RNGTT: variants seen among roughly 807,000 people sequenced by gnomAD.
RNGTT encodes RNA guanylyltransferase and 5'-phosphatase, also known as mRNA-capping enzyme.
A neutral mutation model predicts 79.3 loss-of-function variants in RNGTT; 33 were observed. The ratio of observed to expected loss-of-function variants is 0.42; its 90% CI spans 0.32 to 0.56. The LOEUF is 0.56. Among genes scored for constraint, RNGTT ranks in the 20% least tolerant of loss-of-function variants. RNGTT has a pLI of 0.17. For missense variants in RNGTT, 497 were observed against 739.1 expected (o/e 0.67, Z 3.80); for synonymous variants, 222 against 235.9 (o/e 0.94, Z 0.54).
chr6:88,813,286 C>T (rs1047703407), intron 11 of RNGTT, among the ~76,000 whole-genome samples: 3 of 152,144 alleles, frequency 2.0e-5, no homozygotes, highest in Non-Finnish European at 4.4e-5. Context: ...GAAACTTGCA[C>T]ATGAGATCCA....
At chr6:88,939,138 C>T (rs2127957796) in intron 2 of RNGTT, among the ~76,000 whole-genome samples, 1 of 152,264 alleles carries the variant, frequency 6.6e-6, no homozygotes, top group South Asian at 2.1e-4. Context: ...TCTTGGATGT[C>T]TAAACCTCTT....
At chr6:88,638,631 T>C (rs1773190764) in intron 14 of RNGTT, among the ~76,000 whole-genome samples, 1 of 152,176 alleles carries the variant, frequency 6.6e-6, no homozygotes, top group South Asian at 2.1e-4. Context: ...TAATCATGAA[T>C]GTAACACATT....
In RNGTT at chr6:88,747,165, A is replaced by G. The variant is rs551213737; in HGVS notation, c.1439+22609T>C. On this transcript the variant is annotated intron_variant, in intron 13 of 15. Transcript: ENST00000369485. ...GGCAAAATAGTAATCCAAAAGCAATATTGTGTTGGGGCAGGGGGTGGGCAT... is the reference window on the plus strand; with the variant it reads ...GGCAAAATAGTAATCCAAAAGCAATGTTGTGTTGGGGCAGGGGGTGGGCAT... Among the ~76,000 whole-genome samples the G allele has an allele frequency of 5.3e-5, 8 of 152,296 alleles. 1 individual carries two copies. In the South Asian group the frequency reaches 1.7e-3, roughly 32 times the overall value.
At chr6:88,844,590 T>G in intron 10 of RNGTT, 69 bp from the exon 11 acceptor site, 1 of 1,419,292 alleles carries the variant, frequency 7.0e-7, no homozygotes, top group Non-Finnish European at 9.7e-7. Flanking sequence ...TTATCAAGGC[T>G]GCCACAATGT....
intron 13 of RNGTT, among the ~76,000 whole-genome samples, chr6:88,746,311 C>A (rs1777656452): frequency 1.3e-5 from 2 of 152,158 alleles, no homozygotes; most frequent in African/African-American, 2.4e-5. Context: ...ACAAGTCAGT[C>A]CCAACACCCA....
intron 8 of RNGTT, among the ~76,000 whole-genome samples, chr6:88,875,063 C>T (rs991103290): frequency 6.6e-6 from 1 of 151,694 alleles, no homozygotes; most frequent in Non-Finnish European, 1.5e-5. Context: ...TCTTTGAGAC[C>T]TTCTAAAGCT....
intron 13 of RNGTT, among the ~76,000 whole-genome samples, chr6:88,754,846 T>G (rs1053171877): frequency 2.6e-5 from 4 of 152,248 alleles, no homozygotes; most frequent in Non-Finnish European, 4.4e-5. Context: ...GCCCATTCCT[T>G]TGTTTCCCAT....
chr6:88,824,496 T>C (rs1342014487), intron 11 of RNGTT, among the ~76,000 whole-genome samples: 2 of 152,330 alleles, frequency 1.3e-5, no homozygotes, highest in Middle Eastern at 3.4e-3. Context: ...TGCTATTCAA[T>C]GGCCACATGT....
intron 6 of RNGTT, among the ~76,000 whole-genome samples, chr6:88,899,661 G>A (rs145965832): frequency 1.3e-5 from 2 of 152,204 alleles, no homozygotes; most frequent in African/African-American, 4.8e-5. Context: ...AATTAGAAAG[G>A]CAATAAGGAC....
intron 2 of RNGTT, among the ~76,000 whole-genome samples, chr6:88,929,533 C>T (rs998965476): frequency 6.6e-6 from 1 of 152,122 alleles, no homozygotes; most frequent in Non-Finnish European, 1.5e-5. Context: ...CTACTGCCAA[C>T]ATCACAAAAG....
intron 13 of RNGTT, among the ~76,000 whole-genome samples, chr6:88,739,021 TTA>T (rs557238677): frequency 1.2e-3 from 190 of 152,278 alleles, no homozygotes; most frequent in South Asian, 2.3e-3. Flanking sequence ...AATTTATACT[TTA>T]TGTTATTAAT....
intron 11 of RNGTT, among the ~76,000 whole-genome samples, chr6:88,843,302 C>T (rs1430076396): frequency 6.6e-6 from 1 of 151,934 alleles, no homozygotes; most frequent in Non-Finnish European, 1.5e-5. Flanking sequence ...AAGAAATATC[C>T]ACCCATATAA....
At chr6:88,930,088 A>G (rs1054870034) in intron 2 of RNGTT, among the ~76,000 whole-genome samples, 2 of 144,892 alleles carry the variant, frequency 1.4e-5, no homozygotes, top group African/African-American at 2.6e-5. Context: ...ATACATATAT[A>G]CATATACGTA....
chr6:88,803,349 G>A (rs937804486), intron 11 of RNGTT, among the ~76,000 whole-genome samples: 1 of 152,014 alleles, frequency 6.6e-6, no homozygotes, highest in Admixed American at 6.6e-5. Context: ...GCTGAGGCGG[G>A]CAGATCATGA....
Position 88,842,926 on chromosome 6 carries a change from T to A in RNGTT, c.1269+1431A>T, listed in dbSNP as rs913060937. Among the ~76,000 whole-genome samples, 41 of 151,634 alleles carry A rather than the reference T, an allele frequency of 2.7e-4. 1 individual carries two copies. The highest frequency in any genetic ancestry group is 7.4e-5 in the Non-Finnish European group (5 of 67,888). On this transcript the variant is annotated intron_variant, in intron 11 of 15. Coordinates refer to ENST00000369485, the MANE Select transcript of RNGTT (RefSeq NM_003800.5). ...GTCTCTAGAAAAAAATACAAAAAAA[T>A]TAGCTGGACATGGTAGTATGCGCCT...
intron 14 of RNGTT, among the ~76,000 whole-genome samples, chr6:88,632,981 C>G (rs1263837577): frequency 6.6e-6 from 1 of 152,202 alleles, no homozygotes; most frequent in Non-Finnish European, 1.5e-5. Flanking sequence ...GGCAAATGCT[C>G]TCACCCATTT....
At chr6:88,676,929 A>C (rs1196861040) in intron 14 of RNGTT, among the ~76,000 whole-genome samples, 2 of 152,194 alleles carry the variant, frequency 1.3e-5, no homozygotes, top group African/African-American at 4.8e-5. Flanking sequence ...GCATAAGTCT[A>C]TGCAAAACTC....
At chr6:88,955,107 A>C (rs1239710832) in intron 1 of RNGTT, among the ~76,000 whole-genome samples, 1 of 152,164 alleles carries the variant, frequency 6.6e-6, no homozygotes, top group Non-Finnish European at 1.5e-5. Context: ...CATGGAAATT[A>C]AAATTTCTGC....
At chr6:88,814,356 T>C (rs1780245654) in intron 11 of RNGTT, among the ~76,000 whole-genome samples, 1 of 152,222 alleles carries the variant, frequency 6.6e-6, no homozygotes. Flanking sequence ...ACTGACTTTC[T>C]AAAACAAACA....
Sources: allele counts gnomAD v4.1 joint callset (sites outside exome capture counted in the v4.1 genomes callset), GRCh38; gene constraint gnomAD v4.1.1; transcripts MANE v1.5; gene names NCBI Gene and HGNC (gene_info 2026-07-23, HGNC 2026-07-21).